Variants in TBC1D23 observed in about 807,000 individuals in gnomAD.
TBC1D23 encodes the protein HCV non-structural protein 4A-transactivated protein 1.
In TBC1D23, 55 loss-of-function variants were observed where a neutral mutation model predicts 91.4. The observed-to-expected ratio is 0.60, with a 90% CI of 0.48 to 0.75. The LOEUF (loss-of-function observed/expected upper bound fraction) is 0.75, where lower values mean the gene tolerates loss of function less well. Ranked by LOEUF, TBC1D23 falls within the 30% of genes least tolerant of loss-of-function variation. The pLI is 0.00. For missense variants in TBC1D23, 725 were observed against 836.1 expected (o/e 0.87, Z 1.64); for synonymous variants, 289 against 281.0 (o/e 1.03, Z -0.28).
At chr3:100,265,457 A>G (rs1041520385) in intron 1 of TBC1D23, among the ~76,000 whole-genome samples, 3 of 152,254 alleles carry the variant, frequency 2.0e-5, no homozygotes, top group Non-Finnish European at 4.4e-5. Flanking sequence ...TTTGAATTTA[A>G]TTTTAAAAAA....
chr3:100,313,085 T>A (rs1367297721), intron 15 of TBC1D23, among the ~76,000 whole-genome samples: 3 of 152,036 alleles, frequency 2.0e-5, no homozygotes, highest in Non-Finnish European at 4.4e-5. Flanking sequence ...TTTTGATTTA[T>A]TGTGACTATG....
chr3:100,263,044 T>C (rs559834446), intron 1 of TBC1D23, among the ~76,000 whole-genome samples: 1 of 152,160 alleles, frequency 6.6e-6, no homozygotes, highest in African/African-American at 2.4e-5. Context: ...AAACAGACTT[T>C]GTGTGAGCAA....
At chr3:100,315,154 C>CTTT (rs397705981) in intron 15 of TBC1D23, among the ~76,000 whole-genome samples, 20 of 73,660 alleles carry the variant, frequency 2.7e-4, no homozygotes, top group Non-Finnish European at 2.7e-4. Flanking sequence ...GAGGCAGATT[C>CTTT]TTTTTTTTTT....
At position 100,304,848 on chromosome 3, in the gene TBC1D23, A is replaced by G. The variant is rs765040089; in HGVS notation, c.1266A>G (p.Lys422=). ...MNMVLAHFLQ[K]NKEYVSIASG... is the part of the protein sequence containing the mutation. ...TTAAATTTTCTTTTCCATTACAGAA[A>G]AACAAAGAATATGTGAGTATTGCCA... The change falls in exon 12 of 19, where the codon AAA becomes AAG. Residue 422 remains lysine, a splice_region_variant and synonymous_variant. Transcript: ENST00000394144. The G allele has an allele frequency of 6.7e-7, 1 of 1,483,234 alleles. No individual in the cohort carries two copies. The highest frequency in any genetic ancestry group is 1.2e-5 in the South Asian group (1 of 86,866). The allele number at this position is 1,483,234 out of a possible 1,614,324, so 91.9% of individuals were successfully genotyped here.
intron 1 of TBC1D23, among the ~76,000 whole-genome samples, chr3:100,269,218 A>G (rs2067582150): frequency 6.6e-6 from 1 of 152,240 alleles, no homozygotes; most frequent in African/African-American, 2.4e-5. Context: ...GACTAGATTT[A>G]GCACCGTCTT....
Position 100,298,020 on chromosome 3 carries a change from T to G in TBC1D23, c.974T>G (p.Ile325Ser). 6.2e-7 allele frequency: 1 copy of G among 1,613,620 alleles called. No homozygotes were observed. Among genetic ancestry groups the G allele is most frequent in the Middle Eastern group, 1.7e-4 (1 of 6,060 alleles). Reference sequence around the variant, plus strand: ...TGTCTGGCCATCTCCGTGTCAGAGATCCTTCAAGCGAATCAGCTACAAGGG... The same window carrying G: ...TGTCTGGCCATCTCCGTGTCAGAGAGCCTTCAAGCGAATCAGCTACAAGGG... ...ALCLAISVSEILQANQLQGEG... is the reference protein window; with the variant it reads ...ALCLAISVSESLQANQLQGEG... Residue 325 changes from isoleucine (I) to serine (S), a missense_variant, in exon 9 of 19, where the codon ATC becomes AGC. Coordinates refer to ENST00000394144, the MANE Select transcript of TBC1D23 (RefSeq NM_001199198.3).
intron 10 of TBC1D23, 23 bp downstream of exon 10, chr3:100,299,354 T>A (rs1226462782): frequency 1.4e-6 from 2 of 1,463,092 alleles, no homozygotes; most frequent in African/African-American, 2.8e-5. Flanking sequence ...GCTGATTAAT[T>A]ATTCTTAAAG....
chr3:100,297,998 C>G lies in TBC1D23; in HGVS notation c.952C>G (p.Leu318Val). The G allele has an allele frequency of 6.2e-7, 1 of 1,613,182 alleles. No individual in the cohort carries two copies. Among genetic ancestry groups the G allele is most frequent in the Non-Finnish European group, 8.5e-7 (1 of 1,179,482 alleles). The change falls in exon 9 of 19, where the codon CTG becomes GTG. Residue 318 changes from leucine (L) to valine (V), a missense_variant. Physicochemically the swap from Leu to Val is conservative, Grantham distance 32. Transcript: ENST00000394144. Reference protein sequence around the residue: ...DDADLSQALCLAISVSEILQA... With the variant: ...DDADLSQALCVAISVSEILQA... The stretch of plus-strand genomic sequence containing the variant: ...TGCAGATCTGAGTCAGGCTCTTTGT[C>G]TGGCCATCTCCGTGTCAGAGATCCT...
intron 14 of TBC1D23, among the ~76,000 whole-genome samples, chr3:100,311,008 C>T (rs1230002107): frequency 6.6e-6 from 1 of 152,152 alleles, no homozygotes; most frequent in East Asian, 1.9e-4. Flanking sequence ...TACAAAACCC[C>T]ATTTCCTTGT....
chr3:100,297,267 T>A (rs1248501578), intron 8 of TBC1D23, among the ~76,000 whole-genome samples: 1 of 152,200 alleles, frequency 6.6e-6, no homozygotes, highest in Non-Finnish European at 1.5e-5. Flanking sequence ...ATGTTTAGTA[T>A]ACTGTGTTTT....
Position 100,293,130 on chromosome 3 carries a change from C to T in TBC1D23, c.601-1957C>T, listed in dbSNP as rs201455131. Among the ~76,000 whole-genome samples the T allele has an allele frequency of 8.9e-3, 703 of 79,072 alleles. 2 individuals carry two copies. Among genetic ancestry groups the T allele is most frequent in the South Asian group, 0.011 (30 of 2,642 alleles). 51.9% of individuals were successfully genotyped at this position (79,072 alleles called of 152,430 possible). A position where few individuals can be genotyped will look rare whatever the true frequency, so the allele number is the denominator to read the frequency against. On this transcript the variant is annotated intron_variant, in intron 5 of 18. Transcript: ENST00000394144. ...GTTTGTTTGTTTGTTTGTTTGTTTA[C>T]TTATTTATTTATTTATTTATTTTGT...
chr3:100,291,393 G>A (rs1187433531), intron 5 of TBC1D23, among the ~76,000 whole-genome samples: 1 of 152,106 alleles, frequency 6.6e-6, no homozygotes, highest in African/African-American at 2.4e-5. Flanking sequence ...TACAAGCCTG[G>A]CCAACATGGC....
At position 100,302,240 on chromosome 3, in the gene TBC1D23, A is replaced by T; in HGVS notation, c.1263+3A>T. On this transcript the variant is annotated splice_donor_region_variant and intron_variant, in intron 11 of 18. Transcript: ENST00000394144. ...TGGTCCTGGCACACTTTTTACAGGTATGCTGACATAAATTATTTCAGTTTT... is the reference window on the plus strand; with the variant it reads ...TGGTCCTGGCACACTTTTTACAGGTTTGCTGACATAAATTATTTCAGTTTT... The T allele has an allele frequency of 6.3e-7, 1 of 1,597,700 alleles. No homozygotes were observed. Among genetic ancestry groups the T allele is most frequent in the East Asian group, 2.3e-5 (1 of 44,178 alleles).
At position 100,295,330 on chromosome 3, in the gene TBC1D23, A is replaced by G; in HGVS notation, c.754A>G (p.Ser252Gly). The stretch of plus-strand genomic sequence containing the variant: ...AGTTATTTTAACACAAGAGTCAGAC[A>G]GCAAAGAAGAAGTTATCAGTAAGTA... Reference protein sequence around the residue: ...KEVILTQESDSKEEVIKFLEN... With the variant: ...KEVILTQESDGKEEVIKFLEN... Residue 252 changes from serine (S) to glycine (G), a missense_variant, in exon 7 of 19, where the codon AGC (serine) becomes GGC (glycine). Transcript: ENST00000394144. 1 of 1,610,248 alleles carries G rather than the reference A, an allele frequency of 6.2e-7. No homozygotes were observed. The highest frequency in any genetic ancestry group is 8.5e-7 in the Non-Finnish European group (1 of 1,178,334).
intron 16 of TBC1D23, 54 bp from the exon 17 acceptor site, chr3:100,319,015 G>A: frequency 1.7e-6 from 2 of 1,201,268 alleles, no homozygotes; most frequent in South Asian, 1.4e-5. Context: ...GTTAGGGAAT[G>A]TATCATTTTA....
At chr3:100,278,273 C>T (rs1313163371) in intron 1 of TBC1D23, among the ~76,000 whole-genome samples, 1 of 152,118 alleles carries the variant, frequency 6.6e-6, no homozygotes, top group Non-Finnish European at 1.5e-5. Context: ...AAGAATGTTA[C>T]AGATTGTCCA....
intron 1 of TBC1D23, among the ~76,000 whole-genome samples, chr3:100,267,987 A>G (rs564153725): frequency 1.3e-5 from 2 of 152,172 alleles, no homozygotes; most frequent in African/African-American, 4.8e-5. Context: ...CCTGGGCAAC[A>G]TAGTGAGGCC....
rs1440484642 is a variant in TBC1D23, at chr3:100,316,105, G to A, written c.1605G>A (p.Val535=). 1.9e-6 allele frequency: 3 copies of A among 1,613,142 alleles called. No individual in the cohort carries two copies. The highest frequency in any genetic ancestry group is 2.5e-6 in the Non-Finnish European group (3 of 1,179,252). The change falls in exon 16 of 19, where the codon GTG becomes GTA. Residue 535 remains valine, a synonymous_variant. Transcript: ENST00000394144. Reference sequence around the variant, plus strand: ...TAAAATTCTTTGAATATAGGCATGTGAGCAGCAGTGACAGAGTGGGCAAGC... The same window carrying A: ...TAAAATTCTTTGAATATAGGCATGTAAGCAGCAGTGACAGAGTGGGCAAGC... ...WPDRSCTERH[V]SSSDRVGKPY... is the part of the protein sequence containing the mutation.
intron 18 of TBC1D23, among the ~76,000 whole-genome samples, chr3:100,322,232 C>A (rs776896030): frequency 4.7e-4 from 71 of 152,148 alleles, no homozygotes; most frequent in Non-Finnish European, 8.5e-4. Flanking sequence ...GTAGCTGGGA[C>A]TAGAGGCGCC....
Sources: gnomAD v4.1 joint callset for allele counts (sites outside exome capture counted in the v4.1 genomes callset) on GRCh38, gnomAD v4.1.1 for gene constraint, MANE v1.5 for transcripts, NCBI Gene and HGNC (gene_info 2026-07-23, HGNC 2026-07-21) for gene names.